FBXL17: variants seen among roughly 807,000 people sequenced by gnomAD.
FBXL17 encodes the protein F-box and leucine rich repeat protein 17.
Under a neutral mutation model 66.2 loss-of-function variants are expected in FBXL17, and 22 were observed. The observed-to-expected ratio is 0.33, with a 90% CI of 0.24 to 0.47. The LOEUF (loss-of-function observed/expected upper bound fraction) is 0.47, where lower values mean the gene tolerates loss of function less well. Among genes scored for constraint, FBXL17 ranks in the 20% least tolerant of loss-of-function variants. The pLI is 1.00. For synonymous variants in FBXL17, 474 were observed against 400.5 expected (o/e 1.18, Z -2.19); for missense variants, 878 against 948.2 (o/e 0.93, Z 0.97).
chr5:108,228,072 G>C (rs1211246335), intron 4 of FBXL17, among the ~76,000 whole-genome samples: 1 of 152,096 alleles, frequency 6.6e-6, no homozygotes, highest in African/African-American at 2.4e-5. Flanking sequence ...AGAAAAAGTG[G>C]GGTTTGAAAA....
At position 108,186,170 on chromosome 5, in the gene FBXL17, C is replaced by A. The variant is rs773298364; in HGVS notation, c.1692G>T (p.Arg564Ser). ...GATTGAGAGAGCTAAGATTTTTGCA[C>A]CTCTTGACAATTTCCATCACGGTTT... ...DNETVMEIVK[R>S]CKNLSSLNLC... Residue 564 changes from arginine (R) to serine (S), a missense_variant, in exon 6 of 9, where the codon AGG becomes AGT. This residue lies in a region of FBXL17 where 236 missense variants were observed against 389.1 expected (regional missense o/e 0.61). Transcript: ENST00000542267. 6.2e-7 allele frequency: 1 copy of A among 1,612,424 alleles called. No homozygotes were observed. The highest frequency in any genetic ancestry group is 1.1e-5 in the South Asian group (1 of 91,036).
chr5:108,228,625 T>C (rs1755197249), intron 4 of FBXL17, among the ~76,000 whole-genome samples: 1 of 152,218 alleles, frequency 6.6e-6, no homozygotes, highest in Non-Finnish European at 1.5e-5. Context: ...TTAGCTATTA[T>C]GATAATCACT....
intron 6 of FBXL17, among the ~76,000 whole-genome samples, chr5:108,088,772 C>A (rs953663135): frequency 6.9e-6 from 1 of 144,798 alleles, no homozygotes; most frequent in Non-Finnish European, 1.5e-5. Context: ...AGGCCTCTAT[C>A]CCTTCTCACT....
At chr5:107,981,856 C>T (rs935474564) in intron 7 of FBXL17, among the ~76,000 whole-genome samples, 2 of 152,146 alleles carry the variant, frequency 1.3e-5, no homozygotes, top group Admixed American at 6.5e-5. Context: ...GCTGATTTAC[C>T]TTTTCTACCA....
intron 6 of FBXL17, among the ~76,000 whole-genome samples, chr5:108,166,887 C>T (rs187621152): frequency 5.0e-4 from 76 of 152,256 alleles, no homozygotes; most frequent in African/African-American, 1.7e-3. Flanking sequence ...ACTGAATCTC[C>T]TATTAATCCA....
At chr5:108,153,962 T>C (rs554439584) in intron 6 of FBXL17, among the ~76,000 whole-genome samples, 2 of 152,310 alleles carry the variant, frequency 1.3e-5, no homozygotes, top group Admixed American at 6.5e-5. Flanking sequence ...TGTTTCTTTC[T>C]TGTGGCTATA....
chr5:107,915,246 A>G (rs546774187), intron 7 of FBXL17, among the ~76,000 whole-genome samples: 2 of 152,324 alleles, frequency 1.3e-5, no homozygotes, highest in Non-Finnish European at 2.9e-5. Context: ...CATAAAACAT[A>G]AGTAAAACAT....
At chr5:108,297,496 A>G (rs1345189404) in intron 4 of FBXL17, among the ~76,000 whole-genome samples, 1 of 151,700 alleles carries the variant, frequency 6.6e-6, no homozygotes, top group Non-Finnish European at 1.5e-5. Context: ...AAATAAAATT[A>G]TTTTCAGACT....
intron 4 of FBXL17, among the ~76,000 whole-genome samples, chr5:108,259,700 G>T (rs1317834550): frequency 1.3e-5 from 2 of 151,974 alleles, no homozygotes; most frequent in African/African-American, 2.4e-5. Context: ...GACACATAAA[G>T]CAAAACGAAA....
chr5:107,935,640 T>C (rs1045898302), intron 7 of FBXL17, among the ~76,000 whole-genome samples: 6 of 152,112 alleles, frequency 3.9e-5, no homozygotes, highest in Admixed American at 3.9e-4. Context: ...CAGAATTACA[T>C]CATTATTTTT....
At chr5:107,877,087 C>G (rs1403551454) in intron 8 of FBXL17, among the ~76,000 whole-genome samples, 3 of 152,192 alleles carry the variant, frequency 2.0e-5, no homozygotes, top group Non-Finnish European at 4.4e-5. Context: ...TTGGTTCTTA[C>G]AATGCACTAA....
Position 107,900,023 on chromosome 5 carries a change from CTTTAT to C in FBXL17, c.1823-18849_1823-18845del, listed in dbSNP as rs558911463. On this transcript the variant is annotated intron_variant, in intron 7 of 8. Transcript: ENST00000542267. ...ATAGTTTCTATAATTTGAATCTTTC[CTTTAT>C]AACATATTTGAAACATTTTTTTCTG... Among the ~76,000 whole-genome samples, 17 of 152,184 alleles carry C rather than the reference CTTTAT, an allele frequency of 1.1e-4. No individual in the cohort carries two copies. The South Asian group carries it at 3.5e-3, about 32-fold the overall frequency.
At chr5:108,332,458 C>T (rs887328099) in intron 4 of FBXL17, among the ~76,000 whole-genome samples, 1 of 152,036 alleles carries the variant, frequency 6.6e-6, no homozygotes, top group African/African-American at 2.4e-5. Flanking sequence ...TCTTTTTAAA[C>T]AAATATTCAG....
At chr5:108,129,912 C>A (rs899073606) in intron 6 of FBXL17, among the ~76,000 whole-genome samples, 1 of 138,390 alleles carries the variant, frequency 7.2e-6, no homozygotes, top group South Asian at 2.5e-4. Flanking sequence ...CATTTTTTAA[C>A]CACATTTACT....
intron 6 of FBXL17, among the ~76,000 whole-genome samples, chr5:108,032,102 TC>T (rs1746664406): frequency 1.3e-5 from 2 of 152,178 alleles, no homozygotes; most frequent in Non-Finnish European, 2.9e-5. Flanking sequence ...ACTTTAAATA[TC>T]CTCCACATAA....
intron 6 of FBXL17, among the ~76,000 whole-genome samples, chr5:108,110,993 T>C (rs973818597): frequency 6.6e-6 from 1 of 152,198 alleles, no homozygotes; most frequent in Non-Finnish European, 1.5e-5. Flanking sequence ...CAAGTCTCTT[T>C]TACTAGGACA....
At chr5:107,867,026 G>T (rs1002651136) in intron 8 of FBXL17, among the ~76,000 whole-genome samples, 32 of 152,148 alleles carry the variant, frequency 2.1e-4, no homozygotes, top group African/African-American at 7.7e-4. Flanking sequence ...ATTGTTCAAT[G>T]AATATTTATT....
intron 7 of FBXL17, among the ~76,000 whole-genome samples, chr5:107,921,762 T>G (rs1268201744): frequency 6.6e-6 from 1 of 152,164 alleles, no homozygotes; most frequent in Non-Finnish European, 1.5e-5. Flanking sequence ...TGCTCCTCCC[T>G]CTGTCTAGAA....
intron 6 of FBXL17, among the ~76,000 whole-genome samples, chr5:108,050,658 G>T (rs1359229455): frequency 1.3e-5 from 2 of 151,954 alleles, no homozygotes; most frequent in Non-Finnish European, 2.9e-5. Context: ...AGAGGCAAGG[G>T]CAAACCAATC....
Sources: gnomAD v4.1 joint callset for allele counts (sites outside exome capture counted in the v4.1 genomes callset) on GRCh38, gnomAD v4.1.1 for gene constraint, gnomAD v4.1.1 regional missense constraint, MANE v1.5 for transcripts, NCBI Gene and HGNC (gene_info 2026-07-23, HGNC 2026-07-21) for gene names.